DMXL2: variants seen among roughly 807,000 people sequenced by gnomAD.
The protein encoded by DMXL2 is Dmx like 2, also known as dmX-like protein 2.
A neutral mutation model predicts 331.1 loss-of-function variants in DMXL2; 103 were observed. That is an observed-to-expected ratio of 0.31 (90% CI 0.27 to 0.37). The LOEUF is 0.37. DMXL2 is among the 10% of genes least tolerant of loss of function. The pLI is 1.00. For synonymous variants in DMXL2, 1,281 were observed against 1,252.1 expected, an observed-to-expected ratio of 1.02 and a Z score of -0.49; for missense variants, 3,171 against 3,642.9, an observed-to-expected ratio of 0.87 and a Z score of 3.33.
At chr15:51,562,428 A>C (rs1220208273) in intron 6 of DMXL2, among the ~76,000 whole-genome samples, 1 of 152,222 alleles carries the variant, frequency 6.6e-6, no homozygotes, top group Non-Finnish European at 1.5e-5. Flanking sequence ...AAAAAGGAAG[A>C]TAAATGATGC....
chr15:51,473,815 T>C (rs1247959506), intron 28 of DMXL2, among the ~76,000 whole-genome samples: 1 of 152,156 alleles, frequency 6.6e-6, no homozygotes, highest in Admixed American at 6.5e-5. Context: ...TACTATCACA[T>C]TGAAGACTAA....
At chr15:51,559,720 TAAA>T (rs956969844) in intron 6 of DMXL2, among the ~76,000 whole-genome samples, 55 of 152,050 alleles carry the variant, frequency 3.6e-4, no homozygotes, top group African/African-American at 1.3e-3. Flanking sequence ...ACTCTGTCTC[TAAA>T]AAAACAAAAA....
At chr15:51,510,310 A>G (rs2046681767) in intron 15 of DMXL2, among the ~76,000 whole-genome samples, 1 of 152,204 alleles carries the variant, frequency 6.6e-6, no homozygotes, top group African/African-American at 2.4e-5. Context: ...AGAAAACCCA[A>G]TCGTCTCAGC....
chr15:51,600,747 A>T (rs1277597586), intron 1 of DMXL2, among the ~76,000 whole-genome samples: 1 of 152,204 alleles, frequency 6.6e-6, no homozygotes, highest in Non-Finnish European at 1.5e-5. Flanking sequence ...AAGAACCACA[A>T]GGGTATCTGC....
intron 13 of DMXL2, among the ~76,000 whole-genome samples, chr15:51,532,370 C>T (rs1038632115): frequency 6.6e-6 from 1 of 151,902 alleles, no homozygotes; most frequent in Non-Finnish European, 1.5e-5. Context: ...AGGGTGATTA[C>T]CAGAGGCTAG....
chr15:51,530,831 A>C lies in DMXL2; in HGVS notation c.2436+4832T>G, dbSNP rs886400139. On this transcript the variant is annotated intron_variant, in intron 13 of 43. Transcript: ENST00000560891. ...TAAGAACCTAGGAATTCATGAAAGA[A>C]GTGAAAGATCTCTATAATGAAAACT... 5.9e-5 allele frequency among the ~76,000 whole-genome samples: 9 copies of C among 152,172 alleles called. No homozygotes were observed. The South Asian group carries it at 1.9e-3, about 32-fold the overall frequency.
chr15:51,586,869 G>C (rs1488106258), intron 1 of DMXL2, among the ~76,000 whole-genome samples: 1 of 151,842 alleles, frequency 6.6e-6, no homozygotes, highest in Non-Finnish European at 1.5e-5. Flanking sequence ...GGTAGATCCG[G>C]AAGTGGAAAT....
chr15:51,604,524 T>C (rs1312282576), intron 1 of DMXL2, among the ~76,000 whole-genome samples: 1 of 152,100 alleles, frequency 6.6e-6, no homozygotes, highest in Non-Finnish European at 1.5e-5. Flanking sequence ...CATTTTAACA[T>C]AGGTCTGAAA....
chr15:51,560,169 T>C (rs2049863208), intron 6 of DMXL2, among the ~76,000 whole-genome samples: 1 of 152,158 alleles, frequency 6.6e-6, no homozygotes, highest in Admixed American at 6.5e-5. Flanking sequence ...TTTTATAGCA[T>C]CACAGTAAGA....
chr15:51,561,135 T>C (rs963444947), intron 6 of DMXL2, among the ~76,000 whole-genome samples: 3 of 152,016 alleles, frequency 2.0e-5, no homozygotes, highest in East Asian at 3.8e-4. Flanking sequence ...AGGGGGAAGA[T>C]AGTAAAATAG....
intron 34 of DMXL2, 177 bp from the exon 35 acceptor site, chr15:51,458,972 T>G (rs1177234203): frequency 6.7e-6 from 4 of 601,458 alleles, no homozygotes; most frequent in Non-Finnish European, 1.2e-5. Context: ...TTTGGAAAAT[T>G]TGCTTAAATT....
intron 1 of DMXL2, among the ~76,000 whole-genome samples, chr15:51,607,617 A>G (rs1018184789): frequency 2.6e-5 from 4 of 152,234 alleles, no homozygotes; most frequent in Non-Finnish European, 5.9e-5. Context: ...AAATGATGAA[A>G]GATATTAATT....
chr15:51,498,945 G>A lies in DMXL2; in HGVS notation c.4279C>T (p.Pro1427Ser). 1 of 1,613,970 alleles carries A rather than the reference G, an allele frequency of 6.2e-7. No homozygotes were observed. Among genetic ancestry groups the A allele is most frequent in the South Asian group, 1.1e-5 (1 of 91,078 alleles). Reference protein sequence around the residue: ...TRDYTEIDSIPPLPLYALLAA... With the variant: ...TRDYTEIDSISPLPLYALLAA... ...AGTAATGCATATAGTGGTAGTGGAGGGATAGAATCTATCTCAGTATAATCT... is the reference window on the plus strand; with the variant it reads ...AGTAATGCATATAGTGGTAGTGGAGAGATAGAATCTATCTCAGTATAATCT... Residue 1427 changes from proline to serine, a missense_variant, in exon 18 of 44, where the codon CCT becomes TCT. This residue lies in a region of DMXL2 where 1,674 missense variants were observed against 1,780.2 expected (regional missense o/e 0.94). Coordinates refer to ENST00000560891, the MANE Select transcript of DMXL2 (RefSeq NM_001378457.1).
chr15:51,483,603 C>T (rs1487744975), intron 23 of DMXL2, among the ~76,000 whole-genome samples: 2 of 152,222 alleles, frequency 1.3e-5, no homozygotes, highest in Non-Finnish European at 2.9e-5. Context: ...GCCCCCAGGC[C>T]AGCAAAGCAG....
chr15:51,570,164 C>T (rs968494626), intron 2 of DMXL2, among the ~76,000 whole-genome samples: 5 of 151,598 alleles, frequency 3.3e-5, no homozygotes, highest in African/African-American at 4.8e-5. Flanking sequence ...TATCAATAGC[C>T]GAACTGATCA....
chr15:51,529,334 G>A (rs2047866657), intron 13 of DMXL2, among the ~76,000 whole-genome samples: 1 of 151,970 alleles, frequency 6.6e-6, no homozygotes, highest in South Asian at 2.1e-4. Context: ...TTTTTGAAAA[G>A]ATAAAACAAA....
rs2141168041 is a variant in DMXL2 at position 51,448,119 on chromosome 15, T to A, written c.*865A>T. The A allele has an allele frequency of 6.5e-6, 1 of 152,802 alleles. No homozygotes were observed. The highest frequency in any genetic ancestry group is 1.9e-4 in the East Asian group (1 of 5,194). 9.5% of individuals were successfully genotyped at this position (152,802 alleles called of 1,614,324 possible). On this transcript the variant is annotated 3_prime_UTR_variant, in exon 44 of 44. Coordinates refer to ENST00000560891, the MANE Select transcript of DMXL2 (RefSeq NM_001378457.1). ...TAATGTCACCAATCTCATCAACTAT[T>A]AACTGGCCACAAGAAGCCTAACATT... is the stretch of plus-strand genomic sequence containing the variant.
At chr15:51,605,233 C>T (rs1451343702) in intron 1 of DMXL2, among the ~76,000 whole-genome samples, 1 of 152,154 alleles carries the variant, frequency 6.6e-6, no homozygotes, top group Non-Finnish European at 1.5e-5. Context: ...CAGCGTCTCA[C>T]TCTGTCACTC....
chr15:51,586,630 A>G (rs1015263853), intron 1 of DMXL2, among the ~76,000 whole-genome samples: 1 of 152,170 alleles, frequency 6.6e-6, no homozygotes, highest in Admixed American at 6.5e-5. Context: ...AGATGGAGCT[A>G]TAACAAACTT....
Sources: allele counts gnomAD v4.1 joint callset (sites outside exome capture counted in the v4.1 genomes callset), GRCh38; gene constraint gnomAD v4.1.1; regional missense constraint gnomAD v4.1.1; transcripts MANE v1.5; gene names NCBI Gene and HGNC (gene_info 2026-07-23, HGNC 2026-07-21).